The following ZPR1 variants were observed in gnomAD, a reference collection of about 807,000 sequenced individuals.
The protein encoded by ZPR1 is zinc finger protein ZPR1.
In ZPR1, 37 loss-of-function variants were observed where a neutral mutation model predicts 59.6. The ratio of observed to expected loss-of-function variants is 0.62; its 90% CI spans 0.48 to 0.82. The LOEUF is 0.82. ZPR1 is among the 40% of genes least tolerant of loss of function. ZPR1 has a pLI of 0.00. For missense variants in ZPR1, 527 were observed against 579.9 expected, an observed-to-expected ratio of 0.91 and a Z score of 0.94; for synonymous variants, 191 against 215.2, an observed-to-expected ratio of 0.89 and a Z score of 0.99.
chr11:116,783,713 T>C, intron 9 of ZPR1, 94 bp from the exon 10 acceptor site: 2 of 972,088 alleles, frequency 2.1e-6, no homozygotes, highest in Non-Finnish European at 3.2e-6. Context: ...ATCCAATCAG[T>C]TAGGGCCATT....
chr11:116,782,583 T>C (rs908896687), intron 11 of ZPR1, among the ~76,000 whole-genome samples: 1 of 151,902 alleles, frequency 6.6e-6, no homozygotes, highest in African/African-American at 2.4e-5. Flanking sequence ...AGATAAACAT[T>C]TGGGCTAAGT....
chr11:116,787,340 A>T (rs1027856528), intron 2 of ZPR1, 142 bp downstream of exon 2: 2 of 861,544 alleles, frequency 2.3e-6, no homozygotes, highest in Non-Finnish European at 3.6e-6. Flanking sequence ...TGATGACAAC[A>T]CCAGTACCAT....
intron 11 of ZPR1, among the ~76,000 whole-genome samples, chr11:116,782,686 C>A (rs1940826491): frequency 6.6e-6 from 1 of 152,104 alleles, no homozygotes; most frequent in Non-Finnish European, 1.5e-5. Context: ...ATGACTTGTC[C>A]AAGACCACAA....
intron 1 of ZPR1, 26 bp downstream of exon 1, chr11:116,787,794 C>A (rs1190685798): frequency 6.5e-7 from 1 of 1,537,862 alleles, no homozygotes; most frequent in South Asian, 1.2e-5. Context: ...ACCCACCCGC[C>A]GCTCGCGGCC....
chr11:116,775,423 A>G lies in ZPR1; in HGVS notation c.*3502T>C, dbSNP rs1940708259. ...CAGTGAGCCAAGATCGCACCACTGC[A>G]CTCCATCCTGGGTGACAGAGCAAGA... On this transcript the variant is annotated 3_prime_UTR_variant, in exon 14 of 14. Transcript: ENST00000227322. 1.4e-5 allele frequency: 2 copies of G among 144,562 alleles called. No homozygotes were observed. Among genetic ancestry groups the G allele is most frequent in the African/African-American group, 5.2e-5 (2 of 38,330 alleles). The allele number at this position is 144,562 out of a possible 1,614,324, so 9.0% of individuals were successfully genotyped here. A position where few individuals can be genotyped will look rare whatever the true frequency, so the allele number is the denominator to read the frequency against.
At position 116,778,252 on chromosome 11, in the gene ZPR1, A is replaced by T. The variant is rs1173176420; in HGVS notation, c.*673T>A. On this transcript the variant is annotated 3_prime_UTR_variant, in exon 14 of 14. Transcript: ENST00000227322. ...CTAGACTTCAAGTTCCATGAAAGAG[A>T]TTTATTTTGTCCTCTGTTCTGTGGT... is the stretch of plus-strand genomic sequence containing the variant. The T allele has an allele frequency of 6.6e-6, 1 of 152,080 alleles. No individual in the cohort carries two copies. Among genetic ancestry groups the T allele is most frequent in the East Asian group, 1.9e-4 (1 of 5,188 alleles). 9.4% of individuals were successfully genotyped at this position (152,080 alleles called of 1,614,324 possible).
At chr11:116,784,248 A>T in intron 9 of ZPR1, 130 bp downstream of exon 9, 1 of 851,570 alleles carries the variant, frequency 1.2e-6, no homozygotes, top group Non-Finnish European at 1.9e-6. Context: ...ACCCTGCACT[A>T]GACCTAAGAA....
intron 3 of ZPR1, 63 bp from the exon 4 acceptor site, chr11:116,786,644 T>C (rs1940892148): frequency 7.0e-7 from 1 of 1,431,598 alleles, no homozygotes. Flanking sequence ...AGTCCCTGTA[T>C]GACCCTGGGC....
intron 13 of ZPR1, among the ~76,000 whole-genome samples, chr11:116,779,511 C>G (rs2134193341): frequency 6.6e-6 from 1 of 152,166 alleles, no homozygotes; most frequent in South Asian, 2.1e-4. Flanking sequence ...AATGAAAACT[C>G]CAGAACTGGG....
At position 116,788,001 on chromosome 11, in the gene ZPR1, C is replaced by G. The variant is rs745899072; in HGVS notation, c.-11G>C. 1.4e-6 allele frequency: 2 copies of G among 1,426,486 alleles called. No homozygotes were observed. The highest frequency in any genetic ancestry group is 5.5e-5 in the East Asian group (2 of 36,284). The allele number at this position is 1,426,486 out of a possible 1,614,324, so 88.4% of individuals were successfully genotyped here. On this transcript the variant is annotated 5_prime_UTR_variant, in exon 1 of 14. Transcript: ENST00000227322. Reference sequence around the variant, plus strand: ...CCCGCTGGCCGCCATGGCCACCACGCGCAATTCAGACCTCGGCTTCCTACT... The same window carrying G: ...CCCGCTGGCCGCCATGGCCACCACGGGCAATTCAGACCTCGGCTTCCTACT...
Position 116,782,918 on chromosome 11 carries a change from C to A in ZPR1, c.1092+1G>T. 1 of 1,613,644 alleles carries A rather than the reference C, an allele frequency of 6.2e-7. No homozygotes were observed. Among genetic ancestry groups the A allele is most frequent in the Non-Finnish European group, 8.5e-7 (1 of 1,179,484 alleles). ...GTTTACACACTACTCAAGTGACTCA[C>A]CAGTTCCCGGATGTCTTTCAGCAGC... is the stretch of plus-strand genomic sequence containing the variant. On this transcript the variant is annotated splice_donor_variant, in intron 11 of 13. Coordinates refer to ENST00000227322, the MANE Select transcript of ZPR1 (RefSeq NM_003904.5). LOFTEE classifies it high-confidence loss of function.
Position 116,779,827 on chromosome 11 carries a change from C to T in ZPR1, c.1190G>A (p.Gly397Asp). Residue 397 changes from glycine to aspartate, a missense_variant, in exon 13 of 14, where the codon GGT becomes GAT. Coordinates refer to ENST00000227322, the MANE Select transcript of ZPR1 (RefSeq NM_003904.5). ...CATAATAAAGTGGGCCTTCATGTTA[C>T]CTTCGATGATCTAAAGGAGAGAGAG... ...FSQKMDQIIE[G>D]NMKAHFIMDD... 6.4e-7 allele frequency: 1 copy of T among 1,570,166 alleles called. No individual in the cohort carries two copies. The highest frequency in any genetic ancestry group is 8.7e-7 in the Non-Finnish European group (1 of 1,154,940).
rs1014682440 is a variant in ZPR1 at position 116,774,105 on chromosome 11, A to G, written c.*4820T>C. Reference sequence around the variant, plus strand: ...TTCTTCCCAGCTTTATTATTTGACAAAAAATTATATATATTCAAGGTGTAC... The same window carrying G: ...TTCTTCCCAGCTTTATTATTTGACAGAAAATTATATATATTCAAGGTGTAC... On this transcript the variant is annotated 3_prime_UTR_variant, in exon 14 of 14. Coordinates refer to ENST00000227322, the MANE Select transcript of ZPR1 (RefSeq NM_003904.5). 1 of 152,212 alleles carries G rather than the reference A, an allele frequency of 6.6e-6. No individual in the cohort carries two copies. The highest frequency in any genetic ancestry group is 1.5e-5 in the Non-Finnish European group (1 of 68,044). 9.4% of individuals were successfully genotyped at this position (152,212 alleles called of 1,614,324 possible). A position where few individuals can be genotyped will look rare whatever the true frequency, so the allele number is the denominator to read the frequency against.
In ZPR1 at chr11:116,784,404, C is replaced by T. The variant is rs759116459; in HGVS notation, c.865G>A (p.Glu289Lys). ...KEVIIMATNC[E>K]NCGHRTNEVK... is the part of the protein sequence containing the mutation. Reference sequence around the variant, plus strand: ...TCATTGGTCCGATGCCCACAGTTCTCGCAGTTGGTAGCCATGATGATAACC... The same window carrying T: ...TCATTGGTCCGATGCCCACAGTTCTTGCAGTTGGTAGCCATGATGATAACC... The change falls in exon 9 of 14, where the codon GAG becomes AAG. Residue 289 changes from glutamate (E) to lysine (K), a missense_variant. By Grantham distance (56) the Glu-to-Lys change is moderately conservative. Transcript: ENST00000227322. The T allele has an allele frequency of 5.6e-6, 9 of 1,614,032 alleles. No homozygotes were observed. Among genetic ancestry groups the T allele is most frequent in the South Asian group, 3.3e-5 (3 of 91,084 alleles).
rs1001703534 is a variant in ZPR1, at chr11:116,777,235, C to A, written c.*1690G>T. ...AGAAGGGTTAAGAAGAGATGGTCCA[C>A]TATCAAATGTGACAGAAATAGATAA... On this transcript the variant is annotated 3_prime_UTR_variant, in exon 14 of 14. Transcript: ENST00000227322. The A allele has an allele frequency of 6.6e-6, 1 of 152,214 alleles. No homozygotes were observed. Among genetic ancestry groups the A allele is most frequent in the African/African-American group, 2.4e-5 (1 of 41,454 alleles). The allele number at this position is 152,214 out of a possible 1,614,324, so 9.4% of individuals were successfully genotyped here.
intron 5 of ZPR1, 45 bp downstream of exon 5, chr11:116,785,751 C>A: frequency 6.2e-7 from 1 of 1,611,594 alleles, no homozygotes; most frequent in Non-Finnish European, 8.5e-7. Context: ...TCTTAATGGT[C>A]CCTCCTCCCC....
intron 8 of ZPR1, 147 bp from the exon 9 acceptor site, chr11:116,784,595 A>G: frequency 4.5e-6 from 4 of 888,246 alleles, no homozygotes. Flanking sequence ...CCTCCAGAAG[A>G]GGGCAAGTTC....
chr11:116,782,034 A>G, intron 12 of ZPR1, 124 bp downstream of exon 12: 1 of 702,036 alleles, frequency 1.4e-6, no homozygotes, highest in Non-Finnish European at 2.3e-6. Context: ...AAAGAAAAGA[A>G]AACCAGAAGA....
intron 2 of ZPR1, 32 bp from the exon 3 acceptor site, chr11:116,787,091 A>T: frequency 6.4e-7 from 1 of 1,574,496 alleles, no homozygotes; most frequent in Non-Finnish European, 8.7e-7. Context: ...CAGTACAAAG[A>T]GACTGCAGAA....
Sources: gnomAD v4.1 joint callset for allele counts (sites outside exome capture counted in the v4.1 genomes callset) on GRCh38, gnomAD v4.1.1 for gene constraint, MANE v1.5 for transcripts, NCBI Gene and HGNC (gene_info 2026-07-23, HGNC 2026-07-21) for gene names.